CREB1: variants seen among roughly 807,000 people sequenced by gnomAD.
CREB1 encodes cAMP responsive element binding protein 1.
In CREB1, 2 loss-of-function variants were observed where a neutral mutation model predicts 42.0. That is an observed-to-expected ratio of 0.05 (90% CI 0.02 to 0.15). CREB1 has a LOEUF of 0.15. CREB1 is among the 10% of genes least tolerant of loss of function. The pLI, the probability that CREB1 is intolerant of heterozygous loss-of-function variation, is 1.00. For missense variants in CREB1, 199 were observed against 388.9 expected, an observed-to-expected ratio of 0.51 and a Z score of 4.11; for synonymous variants, 123 against 139.9, an observed-to-expected ratio of 0.88 and a Z score of 0.85.
At chr2:207,531,115 C>T (rs1202385977) in intron 1 of CREB1, among the ~76,000 whole-genome samples, 4 of 151,978 alleles carry the variant, frequency 2.6e-5, no homozygotes, top group Non-Finnish European at 5.9e-5. Flanking sequence ...GGTTTTAACC[C>T]TTTTTAATAA....
chr2:207,558,370 A>G (rs750615119), intron 2 of CREB1, among the ~76,000 whole-genome samples: 1 of 152,180 alleles, frequency 6.6e-6, no homozygotes, highest in Non-Finnish European at 1.5e-5. Flanking sequence ...CTCTTTTTCA[A>G]TTAAGGACAG....
intron 5 of CREB1, among the ~76,000 whole-genome samples, chr2:207,572,480 ATT>A (rs1004101992): frequency 6.6e-6 from 1 of 152,204 alleles, no homozygotes; most frequent in African/African-American, 2.4e-5. Flanking sequence ...ATAGTTATAT[ATT>A]TTGTTTAATA....
At chr2:207,533,617 A>G (rs927939131) in intron 1 of CREB1, among the ~76,000 whole-genome samples, 1 of 152,222 alleles carries the variant, frequency 6.6e-6, no homozygotes, top group African/African-American at 2.4e-5. Flanking sequence ...ATCTTGATAT[A>G]TGGTGTAACT....
At chr2:207,563,075 G>A (rs1433978841) in intron 3 of CREB1, among the ~76,000 whole-genome samples, 3 of 152,210 alleles carry the variant, frequency 2.0e-5, no homozygotes, top group Non-Finnish European at 2.9e-5. Context: ...GGAGAATGAT[G>A]TGGAGGGAAG....
rs186624479 is a variant in CREB1 at position 207,563,346 on chromosome 2, G to A, written c.261+2974G>A. Among the ~76,000 whole-genome samples, 24 of 152,130 alleles carry A rather than the reference G, an allele frequency of 1.6e-4. 1 individual carries two copies. Among genetic ancestry groups the A allele is most frequent in the Admixed American group, 8.5e-4 (13 of 15,274 alleles). On this transcript the variant is annotated intron_variant, in intron 3 of 7. Coordinates refer to ENST00000353267, the MANE Select transcript of CREB1 (RefSeq NM_004379.5). ...GGAATAGAACTTTGTAAATTGTTCAGGAGTCTTCCGGAGTTTCAGCAGGTA... is the reference window on the plus strand; with the variant it reads ...GGAATAGAACTTTGTAAATTGTTCAAGAGTCTTCCGGAGTTTCAGCAGGTA...
At chr2:207,563,633 C>G (rs2082032667) in intron 3 of CREB1, among the ~76,000 whole-genome samples, 1 of 152,136 alleles carries the variant, frequency 6.6e-6, no homozygotes, top group Non-Finnish European at 1.5e-5. Context: ...AATCTGACTT[C>G]TAAATGACTG....
chr2:207,556,431 G>A lies in CREB1; in HGVS notation c.114+682G>A, dbSNP rs115014209. Among the ~76,000 whole-genome samples the A allele has an allele frequency of 6.0e-3, 909 of 152,270 alleles. 10 individuals carry two copies. Among genetic ancestry groups the A allele is most frequent in the African/African-American group, 0.021 (876 of 41,558 alleles). ...ACCTGCTAGGTAATAGTGTGATACC[G>A]TCTCTTTCAGATGAAGGTTCCCAGG... is the stretch of plus-strand genomic sequence containing the variant. On this transcript the variant is annotated intron_variant, in intron 2 of 7. Transcript: ENST00000353267.
chr2:207,574,230 C>T (rs2082485388), intron 5 of CREB1, among the ~76,000 whole-genome samples: 1 of 152,176 alleles, frequency 6.6e-6, no homozygotes, highest in Admixed American at 6.5e-5. Context: ...TGGACAGTAA[C>T]ATGCTTAATC....
At chr2:207,564,381 G>A (rs1022387283) in intron 3 of CREB1, among the ~76,000 whole-genome samples, 1 of 152,042 alleles carries the variant, frequency 6.6e-6, no homozygotes, top group Non-Finnish European at 1.5e-5. Context: ...GGTAGTGCAT[G>A]CCTGCAATCC....
chr2:207,570,040 C>CAAAAAA, intron 4 of CREB1, 139 bp from the exon 5 acceptor site: 14 of 177,822 alleles, frequency 7.9e-5, no homozygotes, highest in African/African-American at 2.7e-4. Context: ...GACTCCATCT[C>CAAAAAA]AAAAAAAAAA....
chr2:207,565,559 C>T (rs900672229), intron 3 of CREB1, among the ~76,000 whole-genome samples: 42 of 147,788 alleles, frequency 2.8e-4, no homozygotes, highest in African/African-American at 1.0e-3. Flanking sequence ...TAAAAAACAA[C>T]ATTAATTTGT....
At chr2:207,549,495 C>A (rs958892739) in intron 1 of CREB1, among the ~76,000 whole-genome samples, 1 of 152,022 alleles carries the variant, frequency 6.6e-6, no homozygotes, top group Non-Finnish European at 1.5e-5. Context: ...GTTATTGATT[C>A]TTGGAAAGCT....
At chr2:207,564,678 A>C (rs778581335) in intron 3 of CREB1, among the ~76,000 whole-genome samples, 1 of 152,180 alleles carries the variant, frequency 6.6e-6, no homozygotes, top group Admixed American at 6.5e-5. Context: ...TTAAAATTTC[A>C]AATAATCGAA....
intron 2 of CREB1, among the ~76,000 whole-genome samples, chr2:207,557,336 A>C (rs2081768465): frequency 6.6e-6 from 1 of 152,036 alleles, no homozygotes; most frequent in Admixed American, 6.6e-5. Flanking sequence ...CATGTTTTTC[A>C]GTGGTTTTAT....
chr2:207,592,279 C>T (rs148110076), intron 7 of CREB1, among the ~76,000 whole-genome samples: 2,135 of 151,976 alleles, frequency 0.014, 20 homozygotes, highest in Admixed American at 0.02. Flanking sequence ...TGGTGGCACA[C>T]GCCTGTAGTC....
intron 7 of CREB1, among the ~76,000 whole-genome samples, chr2:207,578,391 A>C (rs920769455): frequency 8.5e-5 from 13 of 152,218 alleles, no homozygotes; most frequent in Non-Finnish European, 1.8e-4. Context: ...GTAAAGGTTT[A>C]AAAAGTTTGA....
intron 5 of CREB1, 37 bp downstream of exon 5, chr2:207,570,358 GA>G (rs767690757): frequency 3.3e-6 from 5 of 1,531,828 alleles, no homozygotes; most frequent in Admixed American, 2.1e-5. Flanking sequence ...ATTGTGAGGA[GA>G]AAAAAGTGAG....
At chr2:207,548,366 A>G (rs895413720) in intron 1 of CREB1, among the ~76,000 whole-genome samples, 35 of 152,358 alleles carry the variant, frequency 2.3e-4, no homozygotes, top group African/African-American at 7.9e-4. Flanking sequence ...CAAAACTGCA[A>G]TGATAAAATA....
chr2:207,587,830 A>G (rs1036892810), intron 7 of CREB1, among the ~76,000 whole-genome samples: 1 of 152,144 alleles, frequency 6.6e-6, no homozygotes, highest in Non-Finnish European at 1.5e-5. Flanking sequence ...GAGGTTGGTT[A>G]ATGGACACAA....
Sources: gnomAD v4.1 joint callset for allele counts (sites outside exome capture counted in the v4.1 genomes callset) on GRCh38, gnomAD v4.1.1 for gene constraint, MANE v1.5 for transcripts, NCBI Gene and HGNC (gene_info 2026-07-23, HGNC 2026-07-21) for gene names.